Variants in RPH3AL observed in about 807,000 individuals in gnomAD.
RPH3AL encodes the protein rabphilin 3A like (without C2 domains).
A neutral mutation model predicts 43.1 loss-of-function variants in RPH3AL; 38 were observed. The ratio of observed to expected loss-of-function variants is 0.88; its 90% CI spans 0.68 to 1.15. RPH3AL has a LOEUF of 1.15. Ranked by LOEUF, RPH3AL falls within the 50% of genes most tolerant of loss-of-function variation. The pLI is 0.00. For missense variants in RPH3AL, 462 were observed against 423.2 expected (o/e 1.09, Z -0.81); for synonymous variants, 189 against 176.3 (o/e 1.07, Z -0.57).
intron 7 of RPH3AL, among the ~76,000 whole-genome samples, chr17:232,848 GTGTGTGTGTGTGTGTGT>G: frequency 2.4e-5 from 1 of 41,276 alleles, no homozygotes; most frequent in Non-Finnish European, 5.7e-5. Flanking sequence ...GTGTGTGTGT[GTGTGTGTGTGTGTGTGT>G]GTGTGTGTGT....
intron 5 of RPH3AL, among the ~76,000 whole-genome samples, chr17:316,411 C>A (rs1386154937): frequency 1.3e-5 from 2 of 149,712 alleles, no homozygotes; most frequent in Non-Finnish European, 3.0e-5. Context: ...TCCTGTAGTC[C>A]CTGTGACCCC....
intron 2 of RPH3AL, among the ~76,000 whole-genome samples, chr17:330,601 C>G (rs779576536): frequency 6.6e-6 from 1 of 152,186 alleles, no homozygotes; most frequent in Non-Finnish European, 1.5e-5. Context: ...ACAGCCCACA[C>G]GGGGTGGCTC....
intron 5 of RPH3AL, among the ~76,000 whole-genome samples, chr17:298,704 C>CAAAA (rs745555861): frequency 0.19 from 6,712 of 35,136 alleles, 168 homozygotes; most frequent in Middle Eastern, 0.3. Context: ...GATGTTATCT[C>CAAAA]AAAAAAAAAA....
chr17:294,027 C>CAAAAAAAATAAAAAATAAAAAAT (rs539572447), intron 5 of RPH3AL, among the ~76,000 whole-genome samples: 1 of 151,444 alleles, frequency 6.6e-6, no homozygotes, highest in African/African-American at 2.4e-5. Flanking sequence ...GACTCGGTCT[C>CAAAAAAAATAAAAAATAAAAAAT]AAAAAAATAA....
At chr17:242,339 T>C (rs1555537394) in intron 7 of RPH3AL, among the ~76,000 whole-genome samples, 5 of 86,588 alleles carry the variant, frequency 5.8e-5, no homozygotes, top group African/African-American at 1.7e-4. Flanking sequence ...ATTGACTACC[T>C]TCCTCTATTG....
rs374662915 is a variant in RPH3AL, at chr17:304,281, C to T, written c.351+15139G>A. On this transcript the variant is annotated intron_variant, in intron 5 of 9. Coordinates refer to ENST00000331302, the MANE Select transcript of RPH3AL (RefSeq NM_006987.4). ...TCATTGCAATCCTTGCAACCGCCCC[C>T]GAGATAGGTATTATTATTCCCGACT... Among the ~76,000 whole-genome samples the T allele has an allele frequency of 1.9e-3, 293 of 152,032 alleles. 3 individuals carry two copies. Among genetic ancestry groups the T allele is most frequent in the South Asian group, 0.017 (81 of 4,798 alleles).
At chr17:335,705 G>T (rs2044935382) in intron 1 of RPH3AL, 1 of 152,278 alleles carries the variant, frequency 6.6e-6, no homozygotes, top group Admixed American at 6.5e-5. Context: ...CCAGACGAGG[G>T]AGGCAAACAG....
chr17:219,941 G>A (rs2040916875), intron 7 of RPH3AL, among the ~76,000 whole-genome samples: 1 of 152,216 alleles, frequency 6.6e-6, no homozygotes, highest in Non-Finnish European at 1.5e-5. Flanking sequence ...GTCCTGATGT[G>A]AGGAGGCTGG....
chr17:331,079 GAGGGAGGCA>G (rs1170118599), intron 2 of RPH3AL: 1 of 151,510 alleles, frequency 6.6e-6, no homozygotes, highest in Non-Finnish European at 1.5e-5. Flanking sequence ...GGAGGCAAGC[GAGGGAGGCA>G]AGGGAGGCAG....
intron 5 of RPH3AL, among the ~76,000 whole-genome samples, chr17:314,704 T>G (rs2043838553): frequency 7.6e-6 from 1 of 131,762 alleles, no homozygotes; most frequent in African/African-American, 2.9e-5. Flanking sequence ...TGACCTGTAG[T>G]CTCTGTGCTC....
chr17:226,297 G>A (rs1489912732), intron 7 of RPH3AL, among the ~76,000 whole-genome samples: 1 of 152,052 alleles, frequency 6.6e-6, no homozygotes, highest in Non-Finnish European at 1.5e-5. Flanking sequence ...CCAGGAAGCC[G>A]ATGAGACAGA....
intron 6 of RPH3AL, among the ~76,000 whole-genome samples, chr17:249,632 C>T (rs2041840152): frequency 6.6e-6 from 1 of 151,304 alleles, no homozygotes; most frequent in Admixed American, 6.6e-5. Flanking sequence ...CGCAAACTTC[C>T]TCTGCATCAC....
At chr17:316,964 C>A (rs1204014302) in intron 5 of RPH3AL, among the ~76,000 whole-genome samples, 2 of 83,012 alleles carry the variant, frequency 2.4e-5, no homozygotes, top group Non-Finnish European at 4.8e-5. Context: ...TCTCTCTACA[C>A]CCACCTCCAT....
chr17:216,182 A>T (rs1340176477), intron 8 of RPH3AL, among the ~76,000 whole-genome samples: 1 of 101,256 alleles, frequency 9.9e-6, no homozygotes, highest in Non-Finnish European at 2.1e-5. Flanking sequence ...GACCTCACCC[A>T]CATGGCTGCC....
Position 344,960 on chromosome 17 carries a change from A to G in RPH3AL, c.-213+7752T>C, listed in dbSNP as rs541057263. On this transcript the variant is annotated intron_variant, in intron 1 of 9. Transcript: ENST00000331302. ...GGGGAAAGGCCACCTGGCCTTGCTG[A>G]GAGAGGCAGGAGGCCCGTTGGTGAG... 5.2e-4 allele frequency among the ~76,000 whole-genome samples: 71 copies of G among 136,088 alleles called. 19 individuals carry two copies. In the South Asian group the frequency reaches 0.014, roughly 26 times the overall value. 89.3% of individuals were successfully genotyped at this position (136,088 alleles called of 152,430 possible).
At chr17:214,054 T>C in intron 9 of RPH3AL, 131 bp from the exon 10 acceptor site, 1 of 682,094 alleles carries the variant, frequency 1.5e-6, no homozygotes, top group Non-Finnish European at 2.5e-6. Flanking sequence ...ACAGCATCCG[T>C]GCCTCAGCCC....
At chr17:317,706 A>G (rs903016908) in intron 5 of RPH3AL, among the ~76,000 whole-genome samples, 1 of 152,234 alleles carries the variant, frequency 6.6e-6, no homozygotes, top group African/African-American at 2.4e-5. Context: ...AAGCAGGAAA[A>G]GAAATGAGGT....
At chr17:324,029 A>T (rs1272720428) in intron 3 of RPH3AL, among the ~76,000 whole-genome samples, 1 of 150,012 alleles carries the variant, frequency 6.7e-6, no homozygotes, top group African/African-American at 2.5e-5. Context: ...AGACCCTCAG[A>T]GTCGCCCTGT....
rs1658576093 is a variant in RPH3AL, at chr17:333,930, A to G, written c.-208T>C. 6.6e-6 allele frequency: 1 copy of G among 152,368 alleles called. No homozygotes were observed. Among genetic ancestry groups the G allele is most frequent in the African/African-American group, 2.4e-5 (1 of 41,436 alleles). The allele number at this position is 152,368 out of a possible 1,614,324, so 9.4% of individuals were successfully genotyped here. A position where few individuals can be genotyped will look rare whatever the true frequency, so the allele number is the denominator to read the frequency against. On this transcript the variant is annotated 5_prime_UTR_variant, in exon 2 of 10. Transcript: ENST00000331302. The surrounding 1 kb of genome is among the most constrained non-coding windows in gnomAD (Gnocchi z 4.5). ...TTAGATGGTTTCAATAAGGCAGACG[A>G]TCCTCTATTCGCAAAAAAATAAATA...
Sources: gnomAD v4.1 joint callset for allele counts (sites outside exome capture counted in the v4.1 genomes callset) on GRCh38, gnomAD v4.1.1 for gene constraint, Gnocchi (gnomAD v3.1) non-coding constraint, MANE v1.5 for transcripts, NCBI Gene and HGNC (gene_info 2026-07-23, HGNC 2026-07-21) for gene names.